Variants in YWHAB observed in about 807,000 individuals in gnomAD.
YWHAB encodes tyrosine 3-monooxygenase/tryptophan 5-monooxygenase activation protein beta.
YWHAB carries 2 observed loss-of-function variants against 28.5 expected under a neutral mutation model. The ratio of observed to expected loss-of-function variants is 0.07; its 90% confidence interval spans 0.03 to 0.22. The LOEUF (loss-of-function observed/expected upper bound fraction) is 0.22. Ranked by LOEUF, YWHAB falls within the 10% of genes least tolerant of loss-of-function variation. YWHAB has a pLI of 1.00. For synonymous variants in YWHAB, 103 were observed against 104.7 expected, an observed-to-expected ratio of 0.98 and a Z score of 0.10; for missense variants, 148 against 297.1, an observed-to-expected ratio of 0.50 and a Z score of 3.69.
intron 4 of YWHAB, chr20:44,905,500 C>T (rs562216517): frequency 5.7e-6 from 1 of 174,382 alleles, no homozygotes; most frequent in East Asian, 1.6e-4. Context: ...GATTACCTTC[C>T]ATATTCTTCC....
At chr20:44,905,300 A>C (rs767419667) in intron 4 of YWHAB, 169 bp downstream of exon 4, 2 of 566,794 alleles carry the variant, frequency 3.5e-6, no homozygotes, top group Non-Finnish European at 5.6e-6. Flanking sequence ...TTTTTAATTC[A>C]TTCTCAATAC....
rs374058745 is a variant in YWHAB at position 44,906,032 on chromosome 20, C to T, written c.620C>T (p.Thr207Met). ...AFDEAIAELD[T>M]LNEESYKDST... Reference sequence around the variant, plus strand: ...GATGAAGCAATTGCTGAATTGGATACGCTGAATGAAGAGTCTTATAAAGAC... The same window carrying T: ...GATGAAGCAATTGCTGAATTGGATATGCTGAATGAAGAGTCTTATAAAGAC... Residue 207 changes from threonine (T) to methionine (M), a missense_variant, in exon 5 of 6, where the codon ACG (threonine) becomes ATG (methionine). This residue lies in a region of YWHAB where 38 missense variants were observed against 119.2 expected (regional missense o/e 0.32). Transcript: ENST00000353703. 93 of 1,613,360 alleles carry T rather than the reference C, an allele frequency of 5.8e-5. No homozygotes were observed. Among genetic ancestry groups the T allele is most frequent in the South Asian group, 5.4e-4 (49 of 91,040 alleles).
chr20:44,908,394 A>G lies in YWHAB; in HGVS notation c.*1956A>G, dbSNP rs2066673126. 1 of 152,670 alleles carries G rather than the reference A, an allele frequency of 6.6e-6. No homozygotes were observed. The highest frequency in any genetic ancestry group is 6.5e-5 in the Admixed American group (1 of 15,284). The allele number at this position is 152,670 out of a possible 1,614,324, so 9.5% of individuals were successfully genotyped here. On this transcript the variant is annotated 3_prime_UTR_variant, in exon 6 of 6. Coordinates refer to ENST00000353703, the MANE Select transcript of YWHAB (RefSeq NM_139323.4). Reference sequence around the variant, plus strand: ...GGTTGTGAAAATAGTATAGCAAAAAAGAAAAATCCCCGGTTATTGATGTAC... The same window carrying G: ...GGTTGTGAAAATAGTATAGCAAAAAGGAAAAATCCCCGGTTATTGATGTAC...
At chr20:44,900,692 C>T (rs2066621151) in intron 1 of YWHAB, among the ~76,000 whole-genome samples, 1 of 152,158 alleles carries the variant, frequency 6.6e-6, no homozygotes, top group South Asian at 2.1e-4. Context: ...GAGAGGACTT[C>T]CTGTATTACA....
chr20:44,905,294 T>C lies in YWHAB; in HGVS notation c.588+163T>C. ...GATAAATACAGATCTGTTACTTTTT[T>C]AATTCATTCTCAATACCTTCTGCTG... On this transcript the variant is annotated intron_variant, in intron 4 of 5. Coordinates refer to ENST00000353703, the MANE Select transcript of YWHAB (RefSeq NM_139323.4). The C allele has an allele frequency of 5.0e-6, 3 of 596,084 alleles. No homozygotes were observed. The East Asian group carries it at 9.9e-5, about 20-fold the overall frequency. The allele number at this position is 596,084 out of a possible 1,614,324, so 36.9% of individuals were successfully genotyped here.
intron 2 of YWHAB, chr20:44,903,190 C>A: frequency 1.4e-6 from 1 of 702,544 alleles, no homozygotes; most frequent in Non-Finnish European, 1.8e-6. Context: ...TTACTACGTG[C>A]CAGGCAACGT....
intron 1 of YWHAB, among the ~76,000 whole-genome samples, chr20:44,889,526 T>A (rs983308122): frequency 2.6e-5 from 4 of 152,098 alleles, no homozygotes; most frequent in Non-Finnish European, 4.4e-5. Context: ...TACTGGTTAG[T>A]TTATTTTATT....
At chr20:44,886,092 A>G (rs973205472) in intron 1 of YWHAB, 11 of 152,042 alleles carry the variant, frequency 7.2e-5, no homozygotes, top group African/African-American at 2.7e-4. Context: ...TACCTCTTGG[A>G]GAGGCTCGGG....
At chr20:44,901,470 A>G (rs1031049416) in intron 1 of YWHAB, 61 bp from the exon 2 acceptor site, 115 of 1,494,906 alleles carry the variant, frequency 7.7e-5, no homozygotes, top group Non-Finnish European at 4.2e-5. Context: ...AGATTCACAC[A>G]CGTTTCCTAG....
chr20:44,895,294 C>G (rs2066589368), intron 1 of YWHAB, among the ~76,000 whole-genome samples: 1 of 152,026 alleles, frequency 6.6e-6, no homozygotes, highest in Non-Finnish European at 1.5e-5. Context: ...GCTGGCCAGC[C>G]TGAGAGAAAG....
chr20:44,904,293 T>C (rs987814764), intron 3 of YWHAB, among the ~76,000 whole-genome samples, 177 bp downstream of exon 3: 1 of 152,100 alleles, frequency 6.6e-6, no homozygotes, highest in Non-Finnish European at 1.5e-5. Context: ...AAAATTTATC[T>C]GACAGGGAAG....
At chr20:44,896,534 C>T (rs962709764) in intron 1 of YWHAB, among the ~76,000 whole-genome samples, 2 of 152,208 alleles carry the variant, frequency 1.3e-5, no homozygotes, top group African/African-American at 4.8e-5. Flanking sequence ...GATAGGTTGG[C>T]AAGCTTTCAC....
intron 5 of YWHAB, 87 bp from the exon 6 acceptor site, chr20:44,906,295 C>A: frequency 7.2e-7 from 1 of 1,386,520 alleles, no homozygotes; most frequent in South Asian, 1.2e-5. Flanking sequence ...TTTAAACTGT[C>A]GAGTGAGATA....
intron 3 of YWHAB, among the ~76,000 whole-genome samples, chr20:44,904,357 G>C (rs1198750199): frequency 6.6e-6 from 1 of 152,316 alleles, no homozygotes; most frequent in South Asian, 2.1e-4. Context: ...ATCTTATCTT[G>C]AGTATTATTT....
chr20:44,906,564 C>T lies in YWHAB; in HGVS notation c.*126C>T, dbSNP rs1372961908. ...GTCGACTTTCGATTTTTCACAGCCT[C>T]AGCCTAGGAAAAATGGTTCATGGGA... is the stretch of plus-strand genomic sequence containing the variant. On this transcript the variant is annotated 3_prime_UTR_variant, in exon 6 of 6. Coordinates refer to ENST00000353703, the MANE Select transcript of YWHAB (RefSeq NM_139323.4). The T allele has an allele frequency of 4.9e-6, 4 of 810,774 alleles. No homozygotes were observed. The highest frequency in any genetic ancestry group is 7.3e-6 in the Non-Finnish European group (4 of 551,392). The allele number at this position is 810,774 out of a possible 1,614,324, so 50.2% of individuals were successfully genotyped here.
intron 1 of YWHAB, among the ~76,000 whole-genome samples, chr20:44,896,636 T>TG (rs1311892717): frequency 2.6e-5 from 4 of 152,094 alleles, no homozygotes; most frequent in Non-Finnish European, 4.4e-5. Flanking sequence ...TATAGGAAAA[T>TG]GGGTCTTACA....
At chr20:44,893,824 G>A (rs1349851627) in intron 1 of YWHAB, among the ~76,000 whole-genome samples, 2 of 149,176 alleles carry the variant, frequency 1.3e-5, no homozygotes, top group East Asian at 2.0e-4. Context: ...TCAGCCTCCC[G>A]AGTAGCTGGG....
At position 44,904,075 on chromosome 20, in the gene YWHAB, T is replaced by A. The variant is rs6031861; in HGVS notation, c.383T>A (p.Phe128Tyr). Residue 128 changes from phenylalanine (F) to tyrosine (Y), a missense_variant, in exon 3 of 6, where the codon TTT becomes TAT. By Grantham distance (22) the Phe-to-Tyr change is conservative. Around this residue, in one of 2 missense-constraint regions of YWHAB, gnomAD observed 110 missense variants for 177.9 expected, o/e 0.62. Coordinates refer to ENST00000353703, the MANE Select transcript of YWHAB (RefSeq NM_139323.4). ...VFYLKMKGDYFRYLSEVASGD... is the reference protein window; with the variant it reads ...VFYLKMKGDYYRYLSEVASGD... The stretch of plus-strand genomic sequence containing the variant: ...TACTTGAAAATGAAAGGAGATTATT[T>A]TAGGTATCTTTCTGAAGTGGCATCT... 6 of 1,609,082 alleles carry A rather than the reference T, an allele frequency of 3.7e-6. No individual in the cohort carries two copies. In the African/African-American group the frequency reaches 8.0e-5, roughly 22 times the overall value.
chr20:44,887,337 C>G (rs2066534511), intron 1 of YWHAB: 1 of 152,180 alleles, frequency 6.6e-6, no homozygotes, highest in South Asian at 2.1e-4. Flanking sequence ...AATTATTTTC[C>G]TGGCCTGTCC....
Sources: allele counts gnomAD v4.1 joint callset (sites outside exome capture counted in the v4.1 genomes callset), GRCh38; gene constraint gnomAD v4.1.1; regional missense constraint gnomAD v4.1.1; transcripts MANE v1.5; gene names NCBI Gene and HGNC (gene_info 2026-07-23, HGNC 2026-07-21).